The following RYR3 variants were observed in gnomAD, a reference collection of about 807,000 sequenced individuals.
RYR3 encodes the protein ryanodine receptor 3, also known as brain ryanodine receptor-calcium release channel.
In RYR3, 207 loss-of-function variants were observed where a neutral mutation model predicts 584.3. The ratio of observed to expected loss-of-function variants is 0.35; its 90% confidence interval spans 0.32 to 0.40. The LOEUF is 0.40. Ranked by LOEUF, RYR3 falls within the 10% of genes least tolerant of loss-of-function variation. RYR3 has a pLI of 1.00. For missense variants in RYR3, 5,616 were observed against 6,089.2 expected, an observed-to-expected ratio of 0.92 and a Z score of 2.59; for synonymous variants, 2,416 against 2,248.5, an observed-to-expected ratio of 1.07 and a Z score of -2.11.
At chr15:33,859,434 T>C (rs2080098974) in intron 99 of RYR3, 141 bp from the exon 100 acceptor site, 3 of 783,358 alleles carry the variant, frequency 3.8e-6, no homozygotes, top group Non-Finnish European at 6.3e-6. Context: ...GCTAGCAGCA[T>C]GAATACTGGC....
chr15:33,468,490 C>A (rs2048665355), intron 1 of RYR3, among the ~76,000 whole-genome samples: 1 of 152,164 alleles, frequency 6.6e-6, no homozygotes, highest in African/African-American at 2.4e-5. Flanking sequence ...TAAATGCCAG[C>A]ATCTGTTCCC....
intron 1 of RYR3, among the ~76,000 whole-genome samples, chr15:33,414,781 A>T (rs1274188659): frequency 6.6e-6 from 1 of 152,048 alleles, no homozygotes; most frequent in East Asian, 1.9e-4. Context: ...TTTAGTAGAG[A>T]CAGGGTTTCA....
Position 33,580,027 on chromosome 15 carries a change from G to T in RYR3, c.1320G>T (p.Leu440=). The T allele has an allele frequency of 4.3e-6, 7 of 1,613,530 alleles. No individual in the cohort carries two copies. Among genetic ancestry groups the T allele is most frequent in the Non-Finnish European group, 5.9e-6 (7 of 1,179,668 alleles). The part of the protein sequence containing the change: ...APITLPIEEV[L]QTLQDLIAYF... ...TCACCCTGCCTATAGAAGAAGTCCT[G>T]CAGACCCTACAGGACTTGATCGCCT... The change falls in exon 13 of 104, where the codon CTG becomes CTT. Residue 440 remains leucine, a synonymous_variant. Coordinates refer to ENST00000634891, the MANE Select transcript of RYR3 (RefSeq NM_001036.6).
chr15:33,670,296 A>G (rs2152723192), intron 37 of RYR3, 123 bp from the exon 38 acceptor site: 1 of 968,518 alleles, frequency 1.0e-6, no homozygotes, highest in Non-Finnish European at 1.6e-6. Context: ...GTATCTTTAG[A>G]AAGCCTGTAG....
Position 33,613,486 on chromosome 15 carries a change from G to A in RYR3, c.2357+111G>A, listed in dbSNP as rs933066540. 4 of 1,120,352 alleles carry A rather than the reference G, an allele frequency of 3.6e-6. No homozygotes were observed. In the African/African-American group the frequency reaches 6.3e-5, roughly 18 times the overall value. The allele number at this position is 1,120,352 out of a possible 1,614,324, so 69.4% of individuals were successfully genotyped here. A position where few individuals can be genotyped will look rare whatever the true frequency, so the allele number is the denominator to read the frequency against. ...TCAGGGCTTCAGTACTGTGAACTAA[G>A]TTCCCCAGGACAGTGATGGTGCAAG... On this transcript the variant is annotated intron_variant, in intron 19 of 103. Coordinates refer to ENST00000634891, the MANE Select transcript of RYR3 (RefSeq NM_001036.6).
intron 38 of RYR3, among the ~76,000 whole-genome samples, chr15:33,688,966 G>A (rs2065212831): frequency 6.6e-6 from 1 of 152,034 alleles, no homozygotes; most frequent in Non-Finnish European, 1.5e-5. Context: ...CAAAGACTTG[G>A]AACCAACCCA....
chr15:33,601,386 G>A (rs2059652867), intron 16 of RYR3, 33 bp from the exon 17 acceptor site: 2 of 1,607,056 alleles, frequency 1.2e-6, no homozygotes, highest in Admixed American at 1.7e-5. Flanking sequence ...CCTCCTGGTG[G>A]TCCTAAGGTT....
intron 1 of RYR3, among the ~76,000 whole-genome samples, chr15:33,404,586 TG>T (rs2042896678): frequency 8.5e-6 from 1 of 117,266 alleles, no homozygotes; most frequent in Non-Finnish European, 1.8e-5. Flanking sequence ...TTTACTACTG[TG>T]TGTTTTTTTT....
chr15:33,378,254 G>C (rs192155392), intron 1 of RYR3, among the ~76,000 whole-genome samples: 1 of 152,096 alleles, frequency 6.6e-6, no homozygotes, highest in Non-Finnish European at 1.5e-5. Context: ...ATTCTATTTG[G>C]CACTTTCTTC....
intron 48 of RYR3, among the ~76,000 whole-genome samples, chr15:33,733,903 A>C (rs1455649861): frequency 6.6e-6 from 1 of 152,230 alleles, no homozygotes; most frequent in Non-Finnish European, 1.5e-5. Flanking sequence ...TCTGAAAAAT[A>C]AAGCCTGTTA....
At chr15:33,855,818 T>G (rs1038234282) in intron 98 of RYR3, 1 of 152,184 alleles carries the variant, frequency 6.6e-6, no homozygotes, top group Non-Finnish European at 1.5e-5. Flanking sequence ...TGGATATTGA[T>G]GAGACTGGAT....
rs760643042 is a variant in RYR3, at chr15:33,601,561, A to G, written c.1922+9A>G. 1.3e-6 allele frequency: 2 copies of G among 1,598,410 alleles called. No homozygotes were observed. The highest frequency in any genetic ancestry group is 1.7e-6 in the Non-Finnish European group (2 of 1,166,976). On this transcript the variant is annotated intron_variant, in intron 17 of 103. Coordinates refer to ENST00000634891, the MANE Select transcript of RYR3 (RefSeq NM_001036.6). ...ATTAACGATGTAACCAGGTAAGGCCACCACCACCATTCCAAATGCCAAGCA... is the reference window on the plus strand; with the variant it reads ...ATTAACGATGTAACCAGGTAAGGCCGCCACCACCATTCCAAATGCCAAGCA...
chr15:33,843,811 T>G (rs1270595263), intron 92 of RYR3, among the ~76,000 whole-genome samples: 1 of 152,230 alleles, frequency 6.6e-6, no homozygotes, highest in Non-Finnish European at 1.5e-5. Flanking sequence ...AGTCGTTGCT[T>G]AGTCTTCAAA....
Position 33,544,688 on chromosome 15 carries a change from A to AT in RYR3, c.740+975dup, listed in dbSNP as rs376384515. ...TTATTATGCACCTTAGAAAGCACCC[A>AT]TTGGCAATGTGTATCCCTTATAGTT... On this transcript the variant is annotated intron_variant, in intron 8 of 103. Transcript: ENST00000634891. Among the ~76,000 whole-genome samples the AT allele has an allele frequency of 3.0e-3, 459 of 152,248 alleles. 2 individuals carry two copies. The highest frequency in any genetic ancestry group is 0.01 in the African/African-American group (427 of 41,558).
At chr15:33,784,681 G>A (rs371650735) in intron 65 of RYR3, among the ~76,000 whole-genome samples, 19 of 152,140 alleles carry the variant, frequency 1.2e-4, no homozygotes, top group East Asian at 7.7e-4. Context: ...CAATGGGTGC[G>A]TATGCAAACC....
chr15:33,350,308 A>G (rs1173882969), intron 1 of RYR3, among the ~76,000 whole-genome samples: 1 of 152,210 alleles, frequency 6.6e-6, no homozygotes, highest in African/African-American at 2.4e-5. Context: ...CACATTAATA[A>G]TGGGAGGCTT....
Position 33,343,094 on chromosome 15 carries a change from A to G in RYR3, c.51+31998A>G, listed in dbSNP as rs185334571. Among the ~76,000 whole-genome samples, 404 of 152,204 alleles carry G rather than the reference A, an allele frequency of 2.7e-3. 1 individual carries two copies. Among genetic ancestry groups the G allele is most frequent in the African/African-American group, 9.5e-3 (393 of 41,528 alleles). On this transcript the variant is annotated intron_variant, in intron 1 of 103. Transcript: ENST00000634891. The stretch of plus-strand genomic sequence containing the variant: ...GGGAGTACCATTTTCATACCTTCTT[A>G]CCTCCCCACTGTAAAAAAGGAAAAG...
chr15:33,380,936 C>T (rs1204503439), intron 1 of RYR3, among the ~76,000 whole-genome samples: 7 of 152,232 alleles, frequency 4.6e-5, no homozygotes, highest in African/African-American at 9.6e-5. Context: ...TGGTTTATCA[C>T]ATCTGTGCTG....
chr15:33,560,461 T>TTG (rs2057340599), intron 10 of RYR3, among the ~76,000 whole-genome samples: 2 of 151,952 alleles, frequency 1.3e-5, no homozygotes, highest in East Asian at 3.9e-4. Flanking sequence ...ATTTTTTTTT[T>TTG]GCAAAGCCAT....
Sources: gnomAD v4.1 joint callset for allele counts (sites outside exome capture counted in the v4.1 genomes callset) on GRCh38, gnomAD v4.1.1 for gene constraint, MANE v1.5 for transcripts, NCBI Gene and HGNC (gene_info 2026-07-23, HGNC 2026-07-21) for gene names.